The following CDH18 variants were observed in gnomAD, a reference collection of about 807,000 sequenced individuals.
CDH18 encodes cadherin 18.
In CDH18, 31 loss-of-function variants were observed where a neutral mutation model predicts 67.9. That is an observed-to-expected ratio of 0.46 (90% CI 0.34 to 0.62). The LOEUF (loss-of-function observed/expected upper bound fraction) is 0.62, where lower values mean the gene tolerates loss of function less well. Ranked by LOEUF, CDH18 falls within the 20% of genes least tolerant of loss-of-function variation. The pLI, the probability that CDH18 is intolerant of heterozygous loss-of-function variation, is 0.01. For synonymous variants in CDH18, 362 were observed against 347.2 expected (o/e 1.04, Z -0.48); for missense variants, 890 against 975.5 (o/e 0.91, Z 1.17).
Position 20,165,017 on chromosome 5 carries a change from A to G in CDH18, c.-518+90427T>C, listed in dbSNP as rs138410666. Among the ~76,000 whole-genome samples, 16 of 152,258 alleles carry G rather than the reference A, an allele frequency of 1.1e-4. No homozygotes were observed. In the East Asian group the frequency reaches 2.9e-3, roughly 28 times the overall value. Reference sequence around the variant, plus strand: ...TTGTTCATAATTTAACTGCCTTTACATCTTTTGAACCAAAAGGAATTTAAG... The same window carrying G: ...TTGTTCATAATTTAACTGCCTTTACGTCTTTTGAACCAAAAGGAATTTAAG... On this transcript the variant is annotated intron_variant, in intron 2 of 14. Coordinates refer to the CDH18 transcript ENST00000507958.
chr5:19,900,475 G>T (rs574827102), intron 2 of CDH18, among the ~76,000 whole-genome samples: 1 of 151,996 alleles, frequency 6.6e-6, no homozygotes, highest in Non-Finnish European at 1.5e-5. Flanking sequence ...ACCCTGATTC[G>T]ATCATTGCAC....
intron 2 of CDH18, among the ~76,000 whole-genome samples, chr5:20,235,593 C>T (rs1742416935): frequency 6.6e-6 from 1 of 152,034 alleles, no homozygotes; most frequent in African/African-American, 2.4e-5. Context: ...TCACACCATT[C>T]AGAATGGCTT....
At chr5:20,375,006 A>C (rs538901529) in intron 1 of CDH18, among the ~76,000 whole-genome samples, 57 of 152,256 alleles carry the variant, frequency 3.7e-4, no homozygotes, top group African/African-American at 1.4e-3. Context: ...TGAAGCATTT[A>C]TTTTTAAATA....
chr5:20,163,876 T>G (rs1409173761), intron 2 of CDH18, among the ~76,000 whole-genome samples: 2 of 152,236 alleles, frequency 1.3e-5, no homozygotes, highest in African/African-American at 4.8e-5. Context: ...AATCACATTT[T>G]TCATATAAAT....
intron 1 of CDH18, among the ~76,000 whole-genome samples, chr5:20,486,689 A>G (rs1561053913): frequency 6.7e-6 from 1 of 149,748 alleles, no homozygotes; most frequent in African/African-American, 2.5e-5. Flanking sequence ...TTGTATATAT[A>G]TATATATATA....
chr5:20,203,820 A>G (rs1739656345), intron 2 of CDH18, among the ~76,000 whole-genome samples: 1 of 152,124 alleles, frequency 6.6e-6, no homozygotes, highest in Admixed American at 6.6e-5. Flanking sequence ...GAGTGTTCTG[A>G]CCAATAATTT....
At chr5:20,017,553 T>C (rs561468836) in intron 2 of CDH18, among the ~76,000 whole-genome samples, 1 of 152,170 alleles carries the variant, frequency 6.6e-6, no homozygotes, top group Non-Finnish European at 1.5e-5. Context: ...GTCTATAGAT[T>C]AAAATTACTA....
At chr5:19,756,715 T>C (rs1329876122) in intron 3 of CDH18, among the ~76,000 whole-genome samples, 1 of 152,242 alleles carries the variant, frequency 6.6e-6, no homozygotes, top group African/African-American at 2.4e-5. Context: ...TATAGTTCAA[T>C]GGAATTGTTG....
chr5:19,894,151 T>G (rs1789053639), intron 2 of CDH18, among the ~76,000 whole-genome samples: 1 of 151,984 alleles, frequency 6.6e-6, no homozygotes, highest in African/African-American at 2.4e-5. Flanking sequence ...GAATCAAGAA[T>G]CTCTAGAAAA....
At chr5:20,366,253 GAAT>G (rs1327299015) in intron 1 of CDH18, among the ~76,000 whole-genome samples, 1 of 152,066 alleles carries the variant, frequency 6.6e-6, no homozygotes, top group Non-Finnish European at 1.5e-5. Flanking sequence ...AGAAAATGGA[GAAT>G]AATGATTGAT....
chr5:19,761,805 C>G (rs1172934087), intron 3 of CDH18, among the ~76,000 whole-genome samples: 4 of 152,138 alleles, frequency 2.6e-5, no homozygotes, highest in Non-Finnish European at 5.9e-5. Context: ...GCCAAAAGAA[C>G]AAAGCTGGAG....
intron 1 of CDH18, among the ~76,000 whole-genome samples, chr5:20,298,441 A>C (rs1447575331): frequency 6.6e-6 from 1 of 152,124 alleles, no homozygotes; most frequent in East Asian, 1.9e-4. Context: ...TTGATTGATA[A>C]TCCTTCCTTT....
intron 1 of CDH18, among the ~76,000 whole-genome samples, chr5:20,302,379 C>T (rs1329050973): frequency 1.3e-5 from 2 of 152,134 alleles, no homozygotes; most frequent in African/African-American, 4.8e-5. Context: ...ACCCCACGTG[C>T]ATTCTCAATT....
At chr5:19,826,637 T>C (rs187052478) in intron 3 of CDH18, among the ~76,000 whole-genome samples, 3 of 152,216 alleles carry the variant, frequency 2.0e-5, no homozygotes, top group Admixed American at 2.0e-4. Context: ...CAATCTAAGA[T>C]TCATAAGCAA....
chr5:19,973,999 C>G (rs1333002902), intron 2 of CDH18, among the ~76,000 whole-genome samples: 3 of 152,062 alleles, frequency 2.0e-5, no homozygotes, highest in Middle Eastern at 3.4e-3. Flanking sequence ...ATGATGCAAG[C>G]CAAATGAAAT....
At chr5:19,796,501 A>C (rs1776873638) in intron 3 of CDH18, among the ~76,000 whole-genome samples, 1 of 152,150 alleles carries the variant, frequency 6.6e-6, no homozygotes, top group South Asian at 2.1e-4. Context: ...AGAATGAAGG[A>C]AAATAAAACT....
intron 1 of CDH18, among the ~76,000 whole-genome samples, chr5:20,275,115 G>A (rs1176554285): frequency 1.3e-5 from 2 of 152,084 alleles, no homozygotes; most frequent in Non-Finnish European, 2.9e-5. Flanking sequence ...ACATTTCTGA[G>A]GAGAAATGAT....
chr5:19,872,374 A>G (rs985659984), intron 2 of CDH18, among the ~76,000 whole-genome samples: 1 of 152,214 alleles, frequency 6.6e-6, no homozygotes, highest in Non-Finnish European at 1.5e-5. Context: ...TTATTTATAT[A>G]GTAAATGTTT....
At chr5:19,630,749 G>A (rs1335632406) in intron 5 of CDH18, among the ~76,000 whole-genome samples, 1 of 152,166 alleles carries the variant, frequency 6.6e-6, no homozygotes, top group Non-Finnish European at 1.5e-5. Flanking sequence ...AGACTGAATA[G>A]AATGAACGGG....
Sources: gnomAD v4.1 joint callset for allele counts (sites outside exome capture counted in the v4.1 genomes callset) on GRCh38, gnomAD v4.1.1 for gene constraint, MANE v1.5 for transcripts, NCBI Gene and HGNC (gene_info 2026-07-23, HGNC 2026-07-21) for gene names.